NRG1: variants seen among roughly 807,000 people sequenced by gnomAD.
The protein encoded by NRG1 is pro-neuregulin-1, membrane-bound isoform.
In NRG1, 18 loss-of-function variants were observed where a neutral mutation model predicts 63.8. The observed-to-expected ratio is 0.28, with a 90% CI of 0.19 to 0.42. NRG1 has a LOEUF of 0.42. Among genes scored for constraint, NRG1 ranks in the 10% least tolerant of loss-of-function variants. The pLI is 1.00. For missense variants in NRG1, 762 were observed against 814.7 expected, an observed-to-expected ratio of 0.94 and a Z score of 0.79; for synonymous variants, 302 against 301.3, an observed-to-expected ratio of 1.00 and a Z score of -0.02.
chr8:32,419,222 A>G (rs1816352808), intron 1 of NRG1, among the ~76,000 whole-genome samples: 1 of 152,212 alleles, frequency 6.6e-6, no homozygotes, highest in Non-Finnish European at 1.5e-5. Flanking sequence ...ATAAGAGACA[A>G]CTTTCTGTTC....
chr8:32,358,810 GACAGA>G (rs1806820672), intron 1 of NRG1, among the ~76,000 whole-genome samples: 1 of 152,130 alleles, frequency 6.6e-6, no homozygotes, highest in Non-Finnish European at 1.5e-5. Context: ...GAGGGCCAAA[GACAGA>G]ACCTTGAGAT....
At chr8:32,384,761 G>A (rs1342301112) in intron 1 of NRG1, among the ~76,000 whole-genome samples, 1 of 152,104 alleles carries the variant, frequency 6.6e-6, no homozygotes, top group African/African-American at 2.4e-5. Flanking sequence ...TATAAACCTA[G>A]GTTATTTTGT....
intron 1 of NRG1, among the ~76,000 whole-genome samples, chr8:31,938,100 T>A (rs1801197509): frequency 6.6e-6 from 1 of 152,092 alleles, no homozygotes; most frequent in South Asian, 2.1e-4. Flanking sequence ...GGCTGGAGGC[T>A]AAACCAAAAC....
intron 1 of NRG1, among the ~76,000 whole-genome samples, chr8:31,992,506 C>T (rs930024952): frequency 2.6e-5 from 4 of 151,942 alleles, no homozygotes; most frequent in Non-Finnish European, 5.9e-5. Flanking sequence ...GCAGGGAATA[C>T]TGTGGGAAGA....
In NRG1 at chr8:31,771,002, G is replaced by A. The variant is rs941719327; in HGVS notation, c.37+131571G>A. Among the ~76,000 whole-genome samples, 4 of 152,162 alleles carry A rather than the reference G, an allele frequency of 2.6e-5. 1 individual carries two copies. On this transcript the variant is annotated intron_variant, in intron 1 of 10. Transcript: ENST00000519301. ...AACCATAGATCTTTTCCAGATTTCA[G>A]TAGTTCTTACATGCAATCATTTTCC...
At chr8:32,308,099 GT>G (rs1554503604) in intron 1 of NRG1, among the ~76,000 whole-genome samples, 2 of 152,040 alleles carry the variant, frequency 1.3e-5, no homozygotes, top group African/African-American at 4.8e-5. Flanking sequence ...GGGTGTCTCT[GT>G]TTTTTTGCTT....
chr8:31,648,124 CTTTTTTTTTT>C (rs36074483), intron 1 of NRG1, among the ~76,000 whole-genome samples: 9 of 51,274 alleles, frequency 1.8e-4, no homozygotes, highest in African/African-American at 6.5e-4. Context: ...TTTGACTACT[CTTTTTTTTTT>C]TTTTTTTTTT....
intron 1 of NRG1, among the ~76,000 whole-genome samples, chr8:31,918,583 G>A (rs1262229489): frequency 6.6e-6 from 1 of 152,120 alleles, no homozygotes; most frequent in Non-Finnish European, 1.5e-5. Context: ...GCTTTTTGAT[G>A]TGCTGCTGGA....
At chr8:31,916,621 T>A (rs1833413571) in intron 1 of NRG1, among the ~76,000 whole-genome samples, 1 of 152,222 alleles carries the variant, frequency 6.6e-6, no homozygotes, top group Non-Finnish European at 1.5e-5. Context: ...ACATTTGGGT[T>A]GGTTCCAAGT....
At chr8:32,771,159 G>A (rs1287859745), downstream of NRG1, among the ~76,000 whole-genome samples, 2 of 151,948 alleles carry the variant, frequency 1.3e-5, no homozygotes, top group Non-Finnish European at 2.9e-5. Context: ...CACCCAGACT[G>A]GAGTGCAATG....
At chr8:32,006,101 T>C (rs1563672125) in intron 1 of NRG1, among the ~76,000 whole-genome samples, 1 of 152,016 alleles carries the variant, frequency 6.6e-6, no homozygotes, top group Non-Finnish European at 1.5e-5. Context: ...GAATAATGGC[T>C]CTATTTTATA....
chr8:31,766,098 C>T (rs540614824), intron 1 of NRG1, among the ~76,000 whole-genome samples: 1 of 152,244 alleles, frequency 6.6e-6, no homozygotes, highest in South Asian at 2.1e-4. Flanking sequence ...CTACACTCCT[C>T]ATTCAGGAAC....
At chr8:32,384,301 A>G (rs1810717427) in intron 1 of NRG1, among the ~76,000 whole-genome samples, 1 of 152,238 alleles carries the variant, frequency 6.6e-6, no homozygotes, top group South Asian at 2.1e-4. Context: ...ATAAAAGAGC[A>G]ATACTAACGA....
chr8:31,915,152 A>G (rs1189563987), intron 1 of NRG1, among the ~76,000 whole-genome samples: 1 of 151,936 alleles, frequency 6.6e-6, no homozygotes, highest in Non-Finnish European at 1.5e-5. Context: ...GAATTGCAGT[A>G]TCTGCCATTT....
At chr8:32,174,172 C>G (rs1840412144) in intron 1 of NRG1, among the ~76,000 whole-genome samples, 1 of 152,108 alleles carries the variant, frequency 6.6e-6, no homozygotes, top group African/African-American at 2.4e-5. Flanking sequence ...AACTAGTACT[C>G]AGGATTAAGA....
intron 1 of NRG1, among the ~76,000 whole-genome samples, chr8:32,092,493 A>C (rs1829326139): frequency 6.6e-6 from 1 of 151,782 alleles, no homozygotes; most frequent in African/African-American, 2.4e-5. Context: ...AAAGAAAAAA[A>C]ATAGAAATAG....
chr8:32,111,776 A>G (rs1832060421), intron 1 of NRG1, among the ~76,000 whole-genome samples: 1 of 152,150 alleles, frequency 6.6e-6, no homozygotes, highest in East Asian at 1.9e-4. Flanking sequence ...AATCCCAGGA[A>G]AAGAACAGGA....
intron 1 of NRG1, among the ~76,000 whole-genome samples, chr8:31,664,549 A>G (rs974558470): frequency 1.6e-4 from 24 of 152,218 alleles, no homozygotes; most frequent in African/African-American, 5.5e-4. Flanking sequence ...CTTCTCTATA[A>G]TCTCTTATAA....
chr8:31,810,616 C>G (rs1242280917), intron 1 of NRG1, among the ~76,000 whole-genome samples: 1 of 152,156 alleles, frequency 6.6e-6, no homozygotes, highest in Non-Finnish European at 1.5e-5. Flanking sequence ...AATTGTTTCT[C>G]ACACAAAATG....
Sources: gnomAD v4.1 joint callset for allele counts (sites outside exome capture counted in the v4.1 genomes callset) on GRCh38, gnomAD v4.1.1 for gene constraint, MANE v1.5 for transcripts, NCBI Gene and HGNC (gene_info 2026-07-23, HGNC 2026-07-21) for gene names.